GRAP: variants seen among roughly 807,000 people sequenced by gnomAD.
The protein encoded by GRAP is GRB2 related adaptor protein, also known as GRB2-related adapter protein.
In GRAP, 2 loss-of-function variants were observed where a neutral mutation model predicts 9.1. The observed-to-expected ratio is 0.22, with a 90% CI of 0.09 to 0.69. The LOEUF (loss-of-function observed/expected upper bound fraction) is 0.69. GRAP is among the 30% of genes least tolerant of loss of function. The pLI is 0.81. For synonymous variants in GRAP, 68 were observed against 73.6 expected, an observed-to-expected ratio of 0.92 and a Z score of 0.39; for missense variants, 113 against 179.4, an observed-to-expected ratio of 0.63 and a Z score of 2.12.
intron 3 of GRAP, among the ~76,000 whole-genome samples, chr17:19,025,669 A>G (rs1304881130): frequency 7.5e-6 from 1 of 133,698 alleles, no homozygotes; most frequent in African/African-American, 2.9e-5. Context: ...CTAGAGTGCA[A>G]TGGCGCTATC....
chr17:19,023,630 GACCCCCC>G (rs978615058), intron 4 of GRAP, among the ~76,000 whole-genome samples: 3 of 79,480 alleles, frequency 3.8e-5, no homozygotes, highest in South Asian at 3.4e-4. Flanking sequence ...GGATGACCCC[GACCCCCC>G]ACCCCCCACC....
intron 3 of GRAP, among the ~76,000 whole-genome samples, chr17:19,027,526 C>CA (rs1413947980): frequency 1.4e-4 from 11 of 76,854 alleles, no homozygotes; most frequent in Non-Finnish European, 3.3e-4. Context: ...ACACACACAC[C>CA]CCTACCTCTC....
upstream of GRAP, among the ~76,000 whole-genome samples, chr17:19,050,125 AAACAAAAAAAC>A (rs2044391702): frequency 3.4e-5 from 1 of 29,532 alleles, no homozygotes; most frequent in East Asian, 9.8e-4. Context: ...AAAAAAAAAA[AAACAAAAAAAC>A]AACAAAATAA....
chr17:19,023,625 A>ACCCCGAC (rs2044289955), intron 4 of GRAP, among the ~76,000 whole-genome samples: 1 of 135,058 alleles, frequency 7.4e-6, no homozygotes, highest in Non-Finnish European at 1.6e-5. Flanking sequence ...GGGGTGGATG[A>ACCCCGAC]CCCCGACCCC....
Position 19,020,775 on chromosome 17 carries a change from T to C in GRAP, c.*1184A>G. ...GCCAGCACTCAGGGTTCTAAGGGTC[T>C]TGGGCCAGCTCTGGATGGAGGAAGA... On this transcript the variant is annotated 3_prime_UTR_variant, in exon 5 of 5. Coordinates refer to ENST00000284154, the MANE Select transcript of GRAP (RefSeq NM_006613.4). 3.2e-6 allele frequency: 1 copy of C among 310,024 alleles called. No homozygotes were observed. The allele number at this position is 310,024 out of a possible 1,614,324, so 19.2% of individuals were successfully genotyped here.
chr17:19,023,479 C>T (rs971710013), intron 4 of GRAP, among the ~76,000 whole-genome samples: 2 of 152,164 alleles, frequency 1.3e-5, no homozygotes, highest in African/African-American at 2.4e-5. Context: ...CCAGCATCCC[C>T]GCTCCTGAAG....
rs1029715782 is a variant in GRAP at position 19,024,076 on chromosome 17, G to A, written c.468+139C>T. ...ACCAGGATATAACTTCGAAGCCTGG[G>A]CTGGACGCCTCTTGCAATACCAGGC... On this transcript the variant is annotated intron_variant, in intron 4 of 4. Transcript: ENST00000284154. The surrounding 1 kb of genome is among the most constrained non-coding windows in gnomAD (Gnocchi z 4.2). 5.0e-6 allele frequency: 4 copies of A among 807,942 alleles called. No individual in the cohort carries two copies. The highest frequency in any genetic ancestry group is 7.9e-6 in the Non-Finnish European group (4 of 506,128). 50.0% of individuals were successfully genotyped at this position (807,942 alleles called of 1,614,324 possible). A position where few individuals can be genotyped will look rare whatever the true frequency, so the allele number is the denominator to read the frequency against.
In GRAP at chr17:19,021,557, G is replaced by C. The variant is rs1049534860; in HGVS notation, c.*402C>G. The C allele has an allele frequency of 2.6e-5, 9 of 350,726 alleles. No individual in the cohort carries two copies. Among genetic ancestry groups the C allele is most frequent in the Non-Finnish European group, 4.1e-5 (8 of 195,336 alleles). The allele number at this position is 350,726 out of a possible 1,614,324, so 21.7% of individuals were successfully genotyped here. On this transcript the variant is annotated 3_prime_UTR_variant, in exon 5 of 5. Transcript: ENST00000284154. This position sits in a 1 kb window ranked among gnomAD's most constrained non-coding sequence, Gnocchi z 4.1. ...GGAGGGGCAGGCAGGCCCAGTGGGT[G>C]GTCAGCCCAAGGTGAACCCACCCAC...
At position 19,024,151 on chromosome 17, in the gene GRAP, C is replaced by G; in HGVS notation, c.468+64G>C. ...GTGCTTGGCCTCAGTGTCAGCATCT[C>G]CCCTGCTGCAGATGGCAGGAGGTGC... On this transcript the variant is annotated intron_variant, in intron 4 of 4. Coordinates refer to ENST00000284154, the MANE Select transcript of GRAP (RefSeq NM_006613.4). The surrounding 1 kb of genome is among the most constrained non-coding windows in gnomAD (Gnocchi z 4.2). 6.8e-7 allele frequency: 1 copy of G among 1,476,124 alleles called. No individual in the cohort carries two copies. 91.4% of individuals were successfully genotyped at this position (1,476,124 alleles called of 1,614,324 possible). A position where few individuals can be genotyped will look rare whatever the true frequency, so the allele number is the denominator to read the frequency against.
At chr17:19,027,466 ACATGCGCGCGCGCGCGCG>A (rs1198979960) in intron 3 of GRAP, among the ~76,000 whole-genome samples, 2 of 126,910 alleles carry the variant, frequency 1.6e-5, no homozygotes, top group Admixed American at 9.2e-5. Flanking sequence ...TTGATGGGAC[ACATGCGCGCGCGCGCGCG>A]CACACACACA....
At chr17:19,048,111 G>T (rs1210478263), upstream of GRAP, among the ~76,000 whole-genome samples, 1 of 99,590 alleles carries the variant, frequency 1.0e-5, no homozygotes, top group African/African-American at 3.5e-5. Flanking sequence ...TCCTGCCTGA[G>T]ATTGCGCCAT....
At chr17:19,027,524 A>ACACACACACACACACACACC (rs1157535157) in intron 3 of GRAP, among the ~76,000 whole-genome samples, 2 of 138,936 alleles carry the variant, frequency 1.4e-5, no homozygotes, top group Non-Finnish European at 3.1e-5. Context: ...ACACACACAC[A>ACACACACACACACACACACC]CCCCTACCTC....
Position 19,021,822 on chromosome 17 carries a change from G to T in GRAP, c.*137C>A. On this transcript the variant is annotated 3_prime_UTR_variant, in exon 5 of 5. Coordinates refer to ENST00000284154, the MANE Select transcript of GRAP (RefSeq NM_006613.4). The surrounding 1 kb of genome is among the most constrained non-coding windows in gnomAD (Gnocchi z 4.1). The stretch of plus-strand genomic sequence containing the variant: ...CCCAGTTTGTGCAGAGCGGCCGGAG[G>T]CAGTTAGGAGCCCACGTTCAGTCCA... 1 of 860,642 alleles carries T rather than the reference G, an allele frequency of 1.2e-6. No homozygotes were observed. Among genetic ancestry groups the T allele is most frequent in the Non-Finnish European group, 1.6e-6 (1 of 631,158 alleles). The allele number at this position is 860,642 out of a possible 1,614,324, so 53.3% of individuals were successfully genotyped here.
In GRAP at chr17:19,021,854, T is replaced by C; in HGVS notation, c.*105A>G. 8.1e-7 allele frequency: 1 copy of C among 1,232,252 alleles called. No individual in the cohort carries two copies. Among genetic ancestry groups the C allele is most frequent in the Non-Finnish European group, 1.1e-6 (1 of 937,810 alleles). The allele number at this position is 1,232,252 out of a possible 1,614,324, so 76.3% of individuals were successfully genotyped here. A position where few individuals can be genotyped will look rare whatever the true frequency, so the allele number is the denominator to read the frequency against. The stretch of plus-strand genomic sequence containing the variant: ...GGAGCCCACGTTCAGTCCAAGGCCG[T>C]CCACTGAGCCCCGTGTGACTCTGAC... On this transcript the variant is annotated 3_prime_UTR_variant, in exon 5 of 5. Transcript: ENST00000284154. The surrounding 1 kb of genome is among the most constrained non-coding windows in gnomAD (Gnocchi z 4.1).
chr17:19,021,648 C>T lies in GRAP; in HGVS notation c.*311G>A. On this transcript the variant is annotated 3_prime_UTR_variant, in exon 5 of 5. Transcript: ENST00000284154. The surrounding 1 kb of genome is among the most constrained non-coding windows in gnomAD (Gnocchi z 4.1). ...ACCTGGGAGTCCTCAACCTTCCTGG[C>T]AGATGGGGCCATTGACAAGAGGAGG... 1 of 396,722 alleles carries T rather than the reference C, an allele frequency of 2.5e-6. No individual in the cohort carries two copies. The highest frequency in any genetic ancestry group is 4.4e-6 in the Non-Finnish European group (1 of 225,360). 24.6% of individuals were successfully genotyped at this position (396,722 alleles called of 1,614,324 possible).
In GRAP at chr17:19,021,970, C is replaced by T. The variant is rs1451471948; in HGVS notation, c.643G>A (p.Val215Met). 5.8e-6 allele frequency: 9 copies of T among 1,557,418 alleles called. No individual in the cohort carries two copies. In the East Asian group the frequency reaches 9.2e-5, roughly 16 times the overall value. ...GGCCGCCGGGCTGCTCACAGGTGCACGGGCTGCACGTAACTCCGTGGGAAG... is the reference window on the plus strand; with the variant it reads ...GGCCGCCGGGCTGCTCACAGGTGCATGGGCTGCACGTAACTCCGTGGGAAG... ...GFFPRSYVQP[V>M]HL The change falls in exon 5 of 5, where the codon GTG (valine) becomes ATG (methionine). Residue 215 changes from valine (V) to methionine (M), a missense_variant. Val to Met is a conservative substitution (Grantham distance 21, BLOSUM62 1). Around this residue, in one of 2 missense-constraint regions of GRAP, gnomAD observed 113 missense variants for 163.3 expected, o/e 0.69. Coordinates refer to ENST00000284154, the MANE Select transcript of GRAP (RefSeq NM_006613.4). The surrounding 1 kb of genome is among the most constrained non-coding windows in gnomAD (Gnocchi z 4.1).
At chr17:19,042,463 T>C in intron 1 of GRAP, 1 of 7,510 alleles carries the variant, frequency 1.3e-4, no homozygotes, top group East Asian at 1.0e-3. Flanking sequence ...GGGGAGCAGA[T>C]AAGGGGGCCT....
chr17:19,023,642 C>T (rs1313471348), intron 4 of GRAP, among the ~76,000 whole-genome samples: 2 of 123,714 alleles, frequency 1.6e-5, no homozygotes, highest in African/African-American at 6.0e-5. Flanking sequence ...CCCCCCACCC[C>T]CCACCCCCCA....
chr17:19,020,869 C>T lies in GRAP; in HGVS notation c.*1090G>A, dbSNP rs2152166796. On this transcript the variant is annotated 3_prime_UTR_variant, in exon 5 of 5. Transcript: ENST00000284154. Reference sequence around the variant, plus strand: ...CCACCTCCAAGGGCTCCTCCCTCCACCCACCGGCTCCCAAATGCCAGAGGG... The same window carrying T: ...CCACCTCCAAGGGCTCCTCCCTCCATCCACCGGCTCCCAAATGCCAGAGGG... The T allele has an allele frequency of 6.0e-6, 1 of 166,970 alleles. No individual in the cohort carries two copies. Among genetic ancestry groups the T allele is most frequent in the East Asian group, 1.6e-4 (1 of 6,192 alleles). 10.3% of individuals were successfully genotyped at this position (166,970 alleles called of 1,614,324 possible).
Sources: allele counts gnomAD v4.1 joint callset (sites outside exome capture counted in the v4.1 genomes callset), GRCh38; gene constraint gnomAD v4.1.1; regional missense constraint gnomAD v4.1.1; non-coding constraint Gnocchi (gnomAD v3.1); transcripts MANE v1.5; gene names NCBI Gene and HGNC (gene_info 2026-07-23, HGNC 2026-07-21).